IMMT: variants seen among roughly 807,000 people sequenced by gnomAD.
IMMT encodes MICOS complex subunit MIC60.
In IMMT, 40 loss-of-function variants were observed where a neutral mutation model predicts 92.7. That is an observed-to-expected ratio of 0.43 (90% CI 0.34 to 0.56). IMMT has a LOEUF of 0.56. Ranked by LOEUF, IMMT falls within the 20% of genes least tolerant of loss-of-function variation. The pLI is 0.03. For synonymous variants in IMMT, 322 were observed against 336.1 expected (o/e 0.96, Z 0.46); for missense variants, 831 against 912.1 (o/e 0.91, Z 1.14).
chr2:86,195,286 T>C, intron 1 of IMMT, 52 bp downstream of exon 1: 18 of 1,465,796 alleles, frequency 1.2e-5, no homozygotes, highest in Non-Finnish European at 1.6e-5. Context: ...CGTTTTTCGC[T>C]GACGGTTCTA....
intron 11 of IMMT, among the ~76,000 whole-genome samples, chr2:86,152,440 C>CAAAAAAAAAAAAAAAAA: frequency 1.3e-5 from 1 of 76,844 alleles, no homozygotes; most frequent in African/African-American, 5.4e-5. Context: ...GACTCCATCT[C>CAAAAAAAAAAAAAAAAA]AAAAAAAAAA....
At chr2:86,171,074 A>T in intron 5 of IMMT, 134 bp downstream of exon 5, 1 of 858,432 alleles carries the variant, frequency 1.2e-6, no homozygotes, top group Non-Finnish European at 1.8e-6. Context: ...TTTAAATTTT[A>T]AAAATTTCCT....
chr2:86,151,599 T>C (rs773349256), intron 11 of IMMT, 79 bp from the exon 12 acceptor site: 10 of 1,065,620 alleles, frequency 9.4e-6, no homozygotes, highest in Non-Finnish European at 1.4e-5. Context: ...CATCAACTGA[T>C]TATAATTTAA....
At chr2:86,158,411 A>G in intron 10 of IMMT, 181 bp downstream of exon 10, 1 of 452,262 alleles carries the variant, frequency 2.2e-6, no homozygotes. Flanking sequence ...AGCTAAAACT[A>G]CAAGAGTAGT....
chr2:86,179,534 G>A lies in IMMT; in HGVS notation c.208C>T (p.His70Tyr). The change falls in exon 3 of 15, where the codon CAT (histidine) becomes TAT (tyrosine). Residue 70 changes from histidine (H) to tyrosine (Y), a missense_variant. By Grantham distance (83) the His-to-Tyr change is moderately conservative. Coordinates refer to ENST00000410111, the MANE Select transcript of IMMT (RefSeq NM_006839.3). ...GTILYAKWDS[H>Y]FRESVEKTIP... Reference sequence around the variant, plus strand: ...GTTTTCTCTACACTTTCCCGGAAATGGGAATCCCATTTGGCATATAGGATA... The same window carrying A: ...GTTTTCTCTACACTTTCCCGGAAATAGGAATCCCATTTGGCATATAGGATA... 1 of 1,613,282 alleles carries A rather than the reference G, an allele frequency of 6.2e-7. No individual in the cohort carries two copies.
chr2:86,168,229 G>A (rs1573915448), intron 6 of IMMT, among the ~76,000 whole-genome samples: 1 of 152,082 alleles, frequency 6.6e-6, no homozygotes. Flanking sequence ...ATGCTGTTTC[G>A]GGAATACCAA....
rs187962624 is a variant in IMMT, at chr2:86,172,268, C to A, written c.422-923G>T. On this transcript the variant is annotated intron_variant, in intron 4 of 14. Transcript: ENST00000410111. ...TACAGGTGTGAGCCACTGTGCCCGGCCTTGGTTTTAAAGTAACAGTCAATT... is the reference window on the plus strand; with the variant it reads ...TACAGGTGTGAGCCACTGTGCCCGGACTTGGTTTTAAAGTAACAGTCAATT... 3.8e-3 allele frequency among the ~76,000 whole-genome samples: 582 copies of A among 152,116 alleles called. 2 individuals carry two copies. The highest frequency in any genetic ancestry group is 7.0e-3 in the Non-Finnish European group (474 of 67,980).
intron 10 of IMMT, among the ~76,000 whole-genome samples, chr2:86,157,628 G>C (rs1302585336): frequency 6.6e-6 from 1 of 151,680 alleles, no homozygotes; most frequent in Non-Finnish European, 1.5e-5. Context: ...TCTACTAAAA[G>C]TACAAAAAAA....
At chr2:86,192,656 A>T (rs1345956972) in intron 1 of IMMT, among the ~76,000 whole-genome samples, 1 of 152,186 alleles carries the variant, frequency 6.6e-6, no homozygotes, top group African/African-American at 2.4e-5. Context: ...AGGTAGTGCT[A>T]GGAGCTACAA....
At chr2:86,183,148 G>T (rs1199663484) in intron 1 of IMMT, among the ~76,000 whole-genome samples, 1 of 152,056 alleles carries the variant, frequency 6.6e-6, no homozygotes, top group Non-Finnish European at 1.5e-5. Context: ...GGTATAAATA[G>T]GTATTCAGGT....
chr2:86,153,304 TACACACACAC>T (rs10572745), intron 11 of IMMT, among the ~76,000 whole-genome samples: 24 of 143,840 alleles, frequency 1.7e-4, no homozygotes, highest in Admixed American at 3.5e-4. Flanking sequence ...CAATCCATAT[TACACACACAC>T]ACACACACAC....
At chr2:86,155,109 C>A (rs750150314) in intron 10 of IMMT, among the ~76,000 whole-genome samples, 1 of 152,026 alleles carries the variant, frequency 6.6e-6, no homozygotes, top group Non-Finnish European at 1.5e-5. Context: ...GCAATCCACC[C>A]ACCTCAGCCT....
rs368251875 is a variant in IMMT at position 86,144,646 on chromosome 2, G to A, written c.1899C>T (p.Ala633=). ...CCAGTTTTTGAACAGCATAGAAACG[G>A]GCTCTAAGGGTCTCTTCACTGTACA... ...RGVYSEETLR[A]RFYAVQKLAR... The change falls in exon 15 of 15, where the codon GCC becomes GCT. Residue 633 remains alanine (A), a synonymous_variant. Coordinates refer to ENST00000410111, the MANE Select transcript of IMMT (RefSeq NM_006839.3). The A allele has an allele frequency of 4.3e-6, 7 of 1,613,806 alleles. No individual in the cohort carries two copies. The Admixed American group carries it at 5.0e-5, about 12-fold the overall frequency.
At chr2:86,194,612 T>A (rs1673400565) in intron 1 of IMMT, among the ~76,000 whole-genome samples, 1 of 152,192 alleles carries the variant, frequency 6.6e-6, no homozygotes, top group Admixed American at 6.5e-5. Context: ...AATTTTCAAT[T>A]TTAGAAAGTA....
At chr2:86,179,867 G>A (rs1347458703) in intron 2 of IMMT, among the ~76,000 whole-genome samples, 1 of 151,972 alleles carries the variant, frequency 6.6e-6, no homozygotes, top group African/African-American at 2.4e-5. Context: ...CTTGAGCCCA[G>A]GAGTTCAAAA....
At chr2:86,179,116 T>C (rs923278593) in intron 3 of IMMT, among the ~76,000 whole-genome samples, 1 of 152,190 alleles carries the variant, frequency 6.6e-6, no homozygotes, top group East Asian at 1.9e-4. Context: ...GTACTAAACA[T>C]GGACAGACTT....
chr2:86,164,689 C>CAAAAAAAAAAAA lies in IMMT; in HGVS notation c.792+1807_792+1818dup, dbSNP rs56964046. ...CTGGTGACAGAGCAAGACTCTGTCT[C>CAAAAAAAAAAAA]AAAAAAAAAAAAAAAGGAATGGATG... is the stretch of plus-strand genomic sequence containing the variant. On this transcript the variant is annotated intron_variant, in intron 7 of 14. Transcript: ENST00000410111. 1.2e-3 allele frequency among the ~76,000 whole-genome samples: 138 copies of CAAAAAAAAAAAA among 111,370 alleles called. 12 individuals carry two copies. Among genetic ancestry groups the CAAAAAAAAAAAA allele is most frequent in the African/African-American group, 4.8e-3 (132 of 27,404 alleles). 73.1% of individuals were successfully genotyped at this position (111,370 alleles called of 152,430 possible). A position where few individuals can be genotyped will look rare whatever the true frequency, so the allele number is the denominator to read the frequency against.
chr2:86,171,374 A>T, intron 4 of IMMT, 29 bp from the exon 5 acceptor site: 1 of 1,598,324 alleles, frequency 6.3e-7, no homozygotes, highest in Non-Finnish European at 8.5e-7. Context: ...CATGGTATTT[A>T]TACTTTCCTG....
intron 1 of IMMT, among the ~76,000 whole-genome samples, chr2:86,181,730 T>G (rs904128802): frequency 2.0e-5 from 3 of 152,152 alleles, no homozygotes; most frequent in African/African-American, 7.2e-5. Flanking sequence ...CTTTAAAAGC[T>G]TAGTTTAGAC....
Sources: gnomAD v4.1 joint callset for allele counts (sites outside exome capture counted in the v4.1 genomes callset) on GRCh38, gnomAD v4.1.1 for gene constraint, MANE v1.5 for transcripts, NCBI Gene and HGNC (gene_info 2026-07-23, HGNC 2026-07-21) for gene names.